NUTF2: variants seen among roughly 807,000 people sequenced by gnomAD.
The protein encoded by NUTF2 is nuclear transport factor 2, also known as placental protein 15.
NUTF2 carries 3 observed loss-of-function variants against 18.5 expected under a neutral mutation model. That is an observed-to-expected ratio of 0.16 (90% CI 0.07 to 0.42). The LOEUF (loss-of-function observed/expected upper bound fraction) is 0.42, where lower values mean the gene tolerates loss of function less well. Among genes scored for constraint, NUTF2 ranks in the 10% least tolerant of loss-of-function variants. NUTF2 has a pLI of 0.99. For synonymous variants in NUTF2, 51 were observed against 57.9 expected, an observed-to-expected ratio of 0.88 and a Z score of 0.54; for missense variants, 44 against 160.7, an observed-to-expected ratio of 0.27 and a Z score of 3.93.
rs142673842 is a variant in NUTF2 at position 67,871,018 on chromosome 16, C to T, written c.*105C>T. 1.5e-5 allele frequency: 13 copies of T among 858,480 alleles called. No homozygotes were observed. The highest frequency in any genetic ancestry group is 2.3e-5 in the Admixed American group (1 of 44,378). The allele number at this position is 858,480 out of a possible 1,614,324, so 53.2% of individuals were successfully genotyped here. A position where few individuals can be genotyped will look rare whatever the true frequency, so the allele number is the denominator to read the frequency against. ...AATATCATGCACAAATGAGCAGGGC[C>T]GCGGTGGGAGTGGGCGCAGTGCGCT... is the stretch of plus-strand genomic sequence containing the variant. On this transcript the variant is annotated 3_prime_UTR_variant, in exon 5 of 5. Coordinates refer to ENST00000219169, the MANE Select transcript of NUTF2 (RefSeq NM_005796.3).
chr16:67,849,848 C>T (rs567710362), intron 1 of NUTF2, among the ~76,000 whole-genome samples: 4 of 151,896 alleles, frequency 2.6e-5, no homozygotes, highest in East Asian at 1.9e-4. Flanking sequence ...TTAGTAGAGA[C>T]GGGGTTTCAC....
At chr16:67,863,253 G>A (rs1286080884) in intron 1 of NUTF2, among the ~76,000 whole-genome samples, 1 of 152,176 alleles carries the variant, frequency 6.6e-6, no homozygotes, top group African/African-American at 2.4e-5. Context: ...GTGTTCCTGT[G>A]TGGCAGGCGT....
Position 67,865,193 on chromosome 16 carries a change from A to G in NUTF2, c.63A>G (p.Leu21=). 1 of 1,613,460 alleles carries G rather than the reference A, an allele frequency of 6.2e-7. No individual in the cohort carries two copies. Among genetic ancestry groups the G allele is most frequent in the Non-Finnish European group, 8.5e-7 (1 of 1,179,660 alleles). Reference sequence around the variant, plus strand: ...GCTTCATTCAACATTACTACCAGTTATTTGATAATGATAGAACCCAACTAG... The same window carrying G: ...GCTTCATTCAACATTACTACCAGTTGTTTGATAATGATAGAACCCAACTAG... ...GSSFIQHYYQ[L]FDNDRTQLGA... The change falls in exon 2 of 5, where the codon TTA becomes TTG. Residue 21 remains leucine (L), a synonymous_variant. Transcript: ENST00000219169.
At chr16:67,854,342 A>G (rs1173604005) in intron 1 of NUTF2, among the ~76,000 whole-genome samples, 2 of 152,154 alleles carry the variant, frequency 1.3e-5, no homozygotes, top group African/African-American at 4.8e-5. Context: ...TTAAGTGCCC[A>G]ATAGTTGTTC....
intron 2 of NUTF2, among the ~76,000 whole-genome samples, chr16:67,865,660 G>A (rs530942286): frequency 5.3e-5 from 8 of 152,166 alleles, no homozygotes; most frequent in African/African-American, 1.7e-4. Flanking sequence ...AATGAGGTTA[G>A]CCCAGGGAGG....
At chr16:67,868,746 T>C (rs2057992034) in intron 4 of NUTF2, 147 bp downstream of exon 4, 2 of 679,388 alleles carry the variant, frequency 2.9e-6, no homozygotes, top group Non-Finnish European at 5.0e-6. Flanking sequence ...ATGCTAGCCA[T>C]TAGCCACATG....
At chr16:67,855,931 C>T (rs961306538) in intron 1 of NUTF2, 24 of 687,226 alleles carry the variant, frequency 3.5e-5, no homozygotes, top group Non-Finnish European at 4.7e-5. Flanking sequence ...TATTTCATTG[C>T]GGGGAGTGGG....
intron 1 of NUTF2, among the ~76,000 whole-genome samples, chr16:67,854,530 G>A (rs2057881739): frequency 6.6e-6 from 1 of 152,218 alleles, no homozygotes; most frequent in Non-Finnish European, 1.5e-5. Flanking sequence ...AATACCAATA[G>A]CGCTTGTTTT....
chr16:67,854,518 GA>G (rs2151295442), intron 1 of NUTF2, among the ~76,000 whole-genome samples: 1 of 152,324 alleles, frequency 6.6e-6, no homozygotes, highest in East Asian at 1.9e-4. Flanking sequence ...AGGGACTTTG[GA>G]AATACCAATA....
intron 1 of NUTF2, among the ~76,000 whole-genome samples, chr16:67,849,486 C>A (rs982346226): frequency 2.0e-5 from 3 of 151,394 alleles, no homozygotes; most frequent in East Asian, 1.9e-4. Context: ...GGACTACAGG[C>A]GCACGCCACC....
chr16:67,864,802 C>G (rs866392140), intron 1 of NUTF2, among the ~76,000 whole-genome samples: 4 of 152,100 alleles, frequency 2.6e-5, no homozygotes, highest in Non-Finnish European at 5.9e-5. Context: ...CCTGCTCTGA[C>G]CTTTCTTTGT....
In NUTF2 at chr16:67,870,942, T is replaced by G. The variant is rs2058007029; in HGVS notation, c.*29T>G. 2 of 1,485,042 alleles carry G rather than the reference T, an allele frequency of 1.3e-6. No individual in the cohort carries two copies. Among genetic ancestry groups the G allele is most frequent in the Non-Finnish European group, 1.9e-6 (2 of 1,062,596 alleles). The allele number at this position is 1,485,042 out of a possible 1,614,324, so 92.0% of individuals were successfully genotyped here. The stretch of plus-strand genomic sequence containing the variant: ...CCTCTCAGCTAGGCACTCACGCTGT[T>G]TCCTCCTCCCTCCTCTTCCCAATAC... On this transcript the variant is annotated 3_prime_UTR_variant, in exon 5 of 5. Transcript: ENST00000219169.
chr16:67,853,465 C>A (rs550456017), intron 1 of NUTF2, among the ~76,000 whole-genome samples: 1 of 152,168 alleles, frequency 6.6e-6, no homozygotes, highest in Non-Finnish European at 1.5e-5. Flanking sequence ...TCAAGAGATT[C>A]TCCTGCCTTA....
At chr16:67,854,859 T>G (rs2057884023) in intron 1 of NUTF2, among the ~76,000 whole-genome samples, 1 of 152,108 alleles carries the variant, frequency 6.6e-6, no homozygotes, top group African/African-American at 2.4e-5. Flanking sequence ...AGAGAATTGC[T>G]TGAACCTGGG....
At chr16:67,857,996 C>G (rs999442079) in intron 1 of NUTF2, among the ~76,000 whole-genome samples, 1 of 152,170 alleles carries the variant, frequency 6.6e-6, no homozygotes, top group Non-Finnish European at 1.5e-5. Context: ...ACTTAGTCAA[C>G]AAATAGTTTG....
chr16:67,863,077 T>G (rs928234922), intron 1 of NUTF2, among the ~76,000 whole-genome samples: 1 of 152,086 alleles, frequency 6.6e-6, no homozygotes, highest in Admixed American at 6.6e-5. Flanking sequence ...ATGCCAGAGG[T>G]GGGAGCTGTG....
At chr16:67,850,286 G>T (rs1391094778) in intron 1 of NUTF2, among the ~76,000 whole-genome samples, 1 of 149,228 alleles carries the variant, frequency 6.7e-6, no homozygotes, top group Non-Finnish European at 1.5e-5. Flanking sequence ...CTCACTGCAA[G>T]CTCCGCCTCC....
At chr16:67,862,559 T>G (rs2057942003) in intron 1 of NUTF2, among the ~76,000 whole-genome samples, 1 of 152,086 alleles carries the variant, frequency 6.6e-6, no homozygotes, top group African/African-American at 2.4e-5. Context: ...CACAGGCCAG[T>G]TATGGTGGTG....
chr16:67,861,473 T>A (rs145739255), intron 1 of NUTF2, among the ~76,000 whole-genome samples: 296 of 152,308 alleles, frequency 1.9e-3, no homozygotes, highest in Non-Finnish European at 3.5e-3. Flanking sequence ...TTCACAAGGC[T>A]GGGGCATCTC....
Sources: gnomAD v4.1 joint callset for allele counts (sites outside exome capture counted in the v4.1 genomes callset) on GRCh38, gnomAD v4.1.1 for gene constraint, MANE v1.5 for transcripts, NCBI Gene and HGNC (gene_info 2026-07-23, HGNC 2026-07-21) for gene names.